RBFOX1: variants seen among roughly 807,000 people sequenced by gnomAD.
RBFOX1 encodes RNA binding fox-1 homolog 1.
Under a neutral mutation model 57.7 loss-of-function variants are expected in RBFOX1, and 8 were observed. The observed-to-expected ratio is 0.14, with a 90% CI of 0.08 to 0.25. The LOEUF is 0.25. Among genes scored for constraint, RBFOX1 ranks in the 10% least tolerant of loss-of-function variants. RBFOX1 has a pLI of 1.00. For synonymous variants in RBFOX1, 326 were observed against 222.4 expected, an observed-to-expected ratio of 1.47 and a Z score of -4.15; for missense variants, 611 against 548.5, an observed-to-expected ratio of 1.11 and a Z score of -1.14.
chr16:5,900,311 G>A (rs2152178729), intron 4 of RBFOX1, among the ~76,000 whole-genome samples: 1 of 152,264 alleles, frequency 6.6e-6, no homozygotes, highest in East Asian at 1.9e-4. Context: ...ATTGATTCAT[G>A]AATGCCTGTA....
chr16:5,958,674 G>A, intron 4 of RBFOX1, among the ~76,000 whole-genome samples: 1 of 152,144 alleles, frequency 6.6e-6, no homozygotes, highest in South Asian at 2.1e-4. Context: ...TACAGATCTG[G>A]ACGTCAAAAG....
chr16:7,099,588 C>T (rs576898724), intron 4 of RBFOX1, among the ~76,000 whole-genome samples: 24 of 152,274 alleles, frequency 1.6e-4, no homozygotes, highest in African/African-American at 4.8e-4. Flanking sequence ...ACCCTTGACA[C>T]AGCCTCAGGA....
chr16:6,852,610 G>C (rs973816642), intron 3 of RBFOX1, among the ~76,000 whole-genome samples: 3 of 152,236 alleles, frequency 2.0e-5, no homozygotes, highest in Admixed American at 6.5e-5. Flanking sequence ...CAGATGAGAT[G>C]CATGCTGGGA....
chr16:6,781,653 A>G (rs1332686750), intron 3 of RBFOX1, among the ~76,000 whole-genome samples: 2 of 151,994 alleles, frequency 1.3e-5, no homozygotes, highest in African/African-American at 2.4e-5. Flanking sequence ...CAATCTTTGT[A>G]GTTTTTTATG....
chr16:7,695,462 G>A (rs2078497960), intron 14 of RBFOX1, among the ~76,000 whole-genome samples: 1 of 151,986 alleles, frequency 6.6e-6, no homozygotes, highest in South Asian at 2.1e-4. Flanking sequence ...AGACCAGCCT[G>A]GCCAACATGG....
chr16:7,478,336 A>G (rs2063164318), intron 4 of RBFOX1, among the ~76,000 whole-genome samples: 1 of 152,268 alleles, frequency 6.6e-6, no homozygotes, highest in Admixed American at 6.5e-5. Flanking sequence ...AGAGGAAGAT[A>G]GACTTTACTC....
At chr16:7,451,934 A>G (rs1325139881) in intron 4 of RBFOX1, among the ~76,000 whole-genome samples, 3 of 152,122 alleles carry the variant, frequency 2.0e-5, no homozygotes, top group African/African-American at 7.2e-5. Flanking sequence ...CCATCTGGGT[A>G]TGGAATGAGG....
At chr16:7,172,667 C>A (rs1262180358) in intron 4 of RBFOX1, among the ~76,000 whole-genome samples, 1 of 152,148 alleles carries the variant, frequency 6.6e-6, no homozygotes, top group Non-Finnish European at 1.5e-5. Flanking sequence ...GCAACAGAGG[C>A]AGCACAAGGC....
At chr16:7,448,927 G>GTTTTTTTTTTTTTTTTTTTTTTTTTTTTT (rs71147700) in intron 4 of RBFOX1, among the ~76,000 whole-genome samples, 1 of 82,964 alleles carries the variant, frequency 1.2e-5, no homozygotes, top group Non-Finnish European at 2.2e-5. Flanking sequence ...TCTTTCCCCT[G>GTTTTTTTTTTTTTTTTTTTTTTTTTTTTT]TTTTTTTTTT....
intron 2 of RBFOX1, among the ~76,000 whole-genome samples, chr16:5,552,476 C>G (rs1300234611): frequency 1.3e-5 from 2 of 152,210 alleles, no homozygotes; most frequent in African/African-American, 4.8e-5. Flanking sequence ...GGTGAGAAAA[C>G]TGCAGACCAG....
Position 7,075,726 on chromosome 16 carries a change from G to A in RBFOX1, c.27+23628G>A, listed in dbSNP as rs551231548. 2.8e-4 allele frequency among the ~76,000 whole-genome samples: 42 copies of A among 152,178 alleles called. 1 individual carries two copies. The East Asian group carries it at 7.2e-3, about 26-fold the overall frequency. On this transcript the variant is annotated intron_variant, in intron 4 of 15. Coordinates refer to ENST00000550418, the MANE Select transcript of RBFOX1 (RefSeq NM_018723.4). ...CTCCCGAGTAGCTGGGACTACAGGT[G>A]CCTGCCACCACGCTCGGCTAATTTT...
chr16:6,595,426 T>C (rs567758314), intron 2 of RBFOX1, among the ~76,000 whole-genome samples: 2 of 152,350 alleles, frequency 1.3e-5, no homozygotes, highest in South Asian at 2.1e-4. Flanking sequence ...TTACGTTATA[T>C]AAATATACGA....
chr16:5,729,163 C>A (rs2052264937), intron 3 of RBFOX1, among the ~76,000 whole-genome samples: 1 of 152,192 alleles, frequency 6.6e-6, no homozygotes, highest in Non-Finnish European at 1.5e-5. Context: ...CTGTCACTTA[C>A]AAACTGTGTG....
At chr16:6,640,855 A>C (rs4511537) in intron 2 of RBFOX1, among the ~76,000 whole-genome samples, 1 of 151,902 alleles carries the variant, frequency 6.6e-6, no homozygotes, top group South Asian at 2.1e-4. Flanking sequence ...CCATCTTAGG[A>C]TTAAGGCCAA....
intron 4 of RBFOX1, among the ~76,000 whole-genome samples, chr16:7,321,292 G>T (rs564584921): frequency 6.6e-6 from 1 of 152,082 alleles, no homozygotes; most frequent in Non-Finnish European, 1.5e-5. Context: ...TTACAGGTGT[G>T]TGCCACCATA....
intron 3 of RBFOX1, among the ~76,000 whole-genome samples, chr16:6,799,725 G>C (rs1400038778): frequency 1.3e-5 from 2 of 152,126 alleles, no homozygotes; most frequent in Non-Finnish European, 2.9e-5. Context: ...TCCTGTGCTG[G>C]ATACTTCTTG....
chr16:6,110,557 C>G (rs1222385963), intron 1 of RBFOX1, among the ~76,000 whole-genome samples: 4 of 152,108 alleles, frequency 2.6e-5, no homozygotes, highest in Non-Finnish European at 5.9e-5. Context: ...TTTCAAAAAA[C>G]AAAACCCTCC....
intron 2 of RBFOX1, among the ~76,000 whole-genome samples, chr16:5,499,443 A>C (rs933623780): frequency 6.6e-6 from 1 of 151,950 alleles, no homozygotes; most frequent in Non-Finnish European, 1.5e-5. Flanking sequence ...TCAACTCTTC[A>C]CCCGTCCTTT....
intron 1 of RBFOX1, among the ~76,000 whole-genome samples, chr16:5,427,442 A>G (rs1331221698): frequency 2.6e-5 from 4 of 152,126 alleles, no homozygotes; most frequent in Non-Finnish European, 4.4e-5. Context: ...AAAATTAGCC[A>G]GGCATAGTGG....
Sources: allele counts gnomAD v4.1 joint callset (sites outside exome capture counted in the v4.1 genomes callset), GRCh38; gene constraint gnomAD v4.1.1; transcripts MANE v1.5; gene names NCBI Gene and HGNC (gene_info 2026-07-23, HGNC 2026-07-21).